Variants in GSDMC observed in about 807,000 individuals in gnomAD.
GSDMC encodes the protein gasdermin C.
In GSDMC, 59 loss-of-function variants were observed where a neutral mutation model predicts 58.0. The ratio of observed to expected loss-of-function variants is 1.02; its 90% CI spans 0.82 to 1.26. The LOEUF (loss-of-function observed/expected upper bound fraction) is 1.26, where lower values mean the gene tolerates loss of function less well. Among genes scored for constraint, GSDMC ranks in the 50% most tolerant of loss-of-function variants. The pLI is 0.00. For synonymous variants in GSDMC, 241 were observed against 220.2 expected (o/e 1.09, Z -0.83); for missense variants, 659 against 598.5 (o/e 1.10, Z -1.06).
chr8:129,776,127 G>C lies in GSDMC; in HGVS notation c.379C>G (p.Pro127Ala), dbSNP rs781751895. The change falls in exon 3 of 14, where the codon CCA becomes GCA. Residue 127 changes from proline (P) to alanine (A), a missense_variant. By Grantham distance (27) the Pro-to-Ala change is conservative. Transcript: ENST00000276708. ...LEFQIVTIPS[P>A]NLEDFQKRKL... Reference sequence around the variant, plus strand: ...CTTTTTTGAAAGTCTTCCAGGTTTGGTGATGGGATGGTAACAATTTGAAAC... The same window carrying C: ...CTTTTTTGAAAGTCTTCCAGGTTTGCTGATGGGATGGTAACAATTTGAAAC... 17 of 1,613,750 alleles carry C rather than the reference G, an allele frequency of 1.1e-5. No homozygotes were observed. In the South Asian group the frequency reaches 1.8e-4, roughly 17 times the overall value.
At chr8:129,765,446 T>A (rs189238526) in intron 4 of GSDMC, among the ~76,000 whole-genome samples, 182 bp downstream of exon 4, 1 of 152,274 alleles carries the variant, frequency 6.6e-6, no homozygotes, top group Admixed American at 6.5e-5. Context: ...TAACGGAGGA[T>A]ATTAGAATAT....
At chr8:129,730,517 T>C in the GSDMC span, 1 of 509,980 alleles carries the variant, frequency 2.0e-6, no homozygotes, top group Non-Finnish European at 3.1e-6. Flanking sequence ...AGTGTAAAAA[T>C]ACCATTATTC....
At chr8:129,766,850 T>C (rs911957700) in intron 3 of GSDMC, among the ~76,000 whole-genome samples, 6 of 152,070 alleles carry the variant, frequency 3.9e-5, no homozygotes, top group Non-Finnish European at 5.9e-5. Context: ...AAGCGCATCC[T>C]AGGAGGTCCA....
chr8:129,756,079 C>T (rs1171188549), intron 6 of GSDMC, among the ~76,000 whole-genome samples: 1 of 145,096 alleles, frequency 6.9e-6, no homozygotes, highest in East Asian at 2.0e-4. Flanking sequence ...AAAAAAAAAA[C>T]AAGATTCCAT....
At chr8:129,716,077 C>T in the GSDMC span, among the ~76,000 whole-genome samples, 48 of 151,938 alleles carry the variant, frequency 3.2e-4, no homozygotes, top group Middle Eastern at 3.4e-3. Flanking sequence ...TTACTCATTC[C>T]GAAAGAAGGC....
In GSDMC at chr8:129,773,853, A is replaced by T. The variant is rs150520347; in HGVS notation, c.404+2249T>A. On this transcript the variant is annotated intron_variant, in intron 3 of 13. Coordinates refer to ENST00000276708, the MANE Select transcript of GSDMC (RefSeq NM_031415.3). ...AATAAAATACTTGTGAATACATTTC[A>T]CCAAGGAGGCGAAAGATCTATATAC... Among the ~76,000 whole-genome samples, 371 of 152,100 alleles carry T rather than the reference A, an allele frequency of 2.4e-3. 1 individual carries two copies. The highest frequency in any genetic ancestry group is 3.3e-3 in the Non-Finnish European group (223 of 67,980).
At chr8:129,751,967 T>C (rs1035328055) in intron 8 of GSDMC, 76 bp from the exon 9 acceptor site, 29 of 1,495,464 alleles carry the variant, frequency 1.9e-5, no homozygotes, top group Admixed American at 5.0e-5. Context: ...CTTCTTTCCC[T>C]GAACCACTCT....
chr8:129,740,084 G>GA, the GSDMC span, among the ~76,000 whole-genome samples: 3,787 of 152,078 alleles, frequency 0.025, 64 homozygotes, highest in Middle Eastern at 0.14. Context: ...ATTTTACATA[G>GA]AAAAAAGCTT....
chr8:129,776,802 C>T (rs556598340), intron 2 of GSDMC, among the ~76,000 whole-genome samples: 1 of 152,116 alleles, frequency 6.6e-6, no homozygotes, highest in South Asian at 2.1e-4. Flanking sequence ...ACTCTGTCAT[C>T]CAGGCTGGAG....
chr8:129,720,911 A>C, the GSDMC span, among the ~76,000 whole-genome samples: 14 of 152,218 alleles, frequency 9.2e-5, no homozygotes, highest in Non-Finnish European at 1.3e-4. Context: ...GGGAAACTGA[A>C]ATAGATACTG....
In GSDMC at chr8:129,777,455, A is replaced by T. The variant is rs1490410688; in HGVS notation, c.133T>A (p.Ser45Thr). 1 of 1,613,266 alleles carries T rather than the reference A, an allele frequency of 6.2e-7. No homozygotes were observed. The highest frequency in any genetic ancestry group is 2.2e-5 in the East Asian group (1 of 44,890). ...QFVILRKKKD[S>T]RSSFWEQSDY... is the part of the protein sequence containing the mutation. The stretch of plus-strand genomic sequence containing the variant: ...GATTGTTCCCAAAATGATGAACGAG[A>T]ATCCTTCTTCTTTCGTAATATAACA... Residue 45 changes from serine (S) to threonine (T), a missense_variant, in exon 2 of 14, where the codon TCT becomes ACT. Ser to Thr is a moderately conservative substitution (Grantham distance 58). Coordinates refer to ENST00000276708, the MANE Select transcript of GSDMC (RefSeq NM_031415.3).
chr8:129,748,925 G>A (rs2033055116), intron 13 of GSDMC, among the ~76,000 whole-genome samples, 185 bp from the exon 14 acceptor site: 2 of 152,064 alleles, frequency 1.3e-5, no homozygotes, highest in African/African-American at 2.4e-5. Flanking sequence ...AAATCAGGGA[G>A]CATTGGTTCC....
intron 1 of GSDMC, among the ~76,000 whole-genome samples, chr8:129,783,476 A>G (rs2034474032): frequency 6.6e-6 from 1 of 152,218 alleles, no homozygotes; most frequent in Non-Finnish European, 1.5e-5. Flanking sequence ...AAATCAAGAA[A>G]GTAATTCCAT....
chr8:129,784,152 C>G (rs1156289055), intron 1 of GSDMC, among the ~76,000 whole-genome samples: 1 of 152,120 alleles, frequency 6.6e-6, no homozygotes, highest in Non-Finnish European at 1.5e-5. Context: ...CAGGAAAACA[C>G]TGGGGAAACT....
At chr8:129,722,670 G>A in the GSDMC span, among the ~76,000 whole-genome samples, 3 of 152,180 alleles carry the variant, frequency 2.0e-5, no homozygotes, top group Admixed American at 6.5e-5. Context: ...CAGAGCACCT[G>A]GAAAATTGTA....
chr8:129,767,842 A>G (rs1344073016), intron 3 of GSDMC, among the ~76,000 whole-genome samples: 1 of 151,642 alleles, frequency 6.6e-6, no homozygotes, highest in East Asian at 1.9e-4. Context: ...GCCCCTACCC[A>G]ACCAGGGAAA....
At chr8:129,766,988 T>A (rs2033883963) in intron 3 of GSDMC, among the ~76,000 whole-genome samples, 1 of 152,084 alleles carries the variant, frequency 6.6e-6, no homozygotes, top group Non-Finnish European at 1.5e-5. Context: ...GACACTACAT[T>A]CCTACTAGCA....
At chr8:129,706,074 C>G in the GSDMC span, among the ~76,000 whole-genome samples, 5 of 152,036 alleles carry the variant, frequency 3.3e-5, no homozygotes, top group East Asian at 7.7e-4. Flanking sequence ...GAAGGGAATT[C>G]CCTTGCCCTT....
chr8:129,759,882 C>T (rs1030828820), intron 6 of GSDMC, among the ~76,000 whole-genome samples: 32 of 152,060 alleles, frequency 2.1e-4, no homozygotes, highest in African/African-American at 7.7e-4. Context: ...AAAAGGCAGG[C>T]AATCAGTATA....
Sources: gnomAD v4.1 joint callset for allele counts (sites outside exome capture counted in the v4.1 genomes callset) on GRCh38, gnomAD v4.1.1 for gene constraint, MANE v1.5 for transcripts, NCBI Gene and HGNC (gene_info 2026-07-23, HGNC 2026-07-21) for gene names.